Variants in CEP192 observed in about 807,000 individuals in gnomAD.
CEP192 encodes centrosomal protein of 192 kDa.
Under a neutral mutation model 271.8 loss-of-function variants are expected in CEP192, and 151 were observed. The ratio of observed to expected loss-of-function variants is 0.56; its 90% CI spans 0.49 to 0.64. CEP192 has a LOEUF of 0.64. Among genes scored for constraint, CEP192 ranks in the 30% least tolerant of loss-of-function variants. The probability of loss-of-function intolerance (pLI) is 0.00; values close to 1 mark genes in which losing one functional copy is unlikely to be tolerated. For synonymous variants in CEP192, 995 were observed against 1,076.5 expected (o/e 0.92, Z 1.48); for missense variants, 2,910 against 3,020.5 (o/e 0.96, Z 0.86).
At chr18:13,101,105 G>C (rs1376971350) in intron 38 of CEP192, among the ~76,000 whole-genome samples, 1 of 152,172 alleles carries the variant, frequency 6.6e-6, no homozygotes, top group Non-Finnish European at 1.5e-5. Context: ...AGCGACACAG[G>C]GTGCTGCACC....
At chr18:13,059,755 G>A in intron 21 of CEP192, among the ~76,000 whole-genome samples, 1 of 152,148 alleles carries the variant, frequency 6.6e-6, no homozygotes, top group East Asian at 1.9e-4. Flanking sequence ...GCTCATTTAG[G>A]ATGATGACTC....
chr18:12,995,672 C>T (rs2033183511), intron 1 of CEP192, among the ~76,000 whole-genome samples: 1 of 152,142 alleles, frequency 6.6e-6, no homozygotes, highest in South Asian at 2.1e-4. Context: ...ACATAGCATG[C>T]AGGTGGTGGT....
At chr18:13,070,122 C>CT (rs898817583) in intron 27 of CEP192, among the ~76,000 whole-genome samples, 5 of 151,874 alleles carry the variant, frequency 3.3e-5, no homozygotes, top group Non-Finnish European at 5.9e-5. Context: ...GATCACACCT[C>CT]TGCACTCCAG....
At chr18:13,107,565 A>ATG (rs2040013330) in intron 40 of CEP192, among the ~76,000 whole-genome samples, 1 of 152,222 alleles carries the variant, frequency 6.6e-6, no homozygotes. Flanking sequence ...CATGGAAGAC[A>ATG]AAAGTGGCTA....
chr18:13,026,420 C>A (rs946040317), intron 9 of CEP192, among the ~76,000 whole-genome samples: 1 of 151,994 alleles, frequency 6.6e-6, no homozygotes, highest in African/African-American at 2.4e-5. Context: ...GTGAGCTTCC[C>A]GGTATGTGGC....
Position 13,085,952 on chromosome 18 carries a change from G to A in CEP192, c.5617-1065G>A, listed in dbSNP as rs565795176. ...CTGTGAAGAAAGTCAATGGTAGCTT[G>A]ATGGGAACAGCATTGAATCTATAAA... On this transcript the variant is annotated intron_variant, in intron 30 of 44. Transcript: ENST00000506447. Among the ~76,000 whole-genome samples the A allele has an allele frequency of 2.6e-5, 4 of 151,976 alleles. No individual in the cohort carries two copies. The South Asian group carries it at 8.3e-4, about 32-fold the overall frequency.
intron 30 of CEP192, among the ~76,000 whole-genome samples, chr18:13,086,293 G>A (rs2038893139): frequency 6.6e-6 from 1 of 152,146 alleles, no homozygotes; most frequent in South Asian, 2.1e-4. Context: ...GAGACGATGG[G>A]GTTTTCTAAA....
At chr18:13,113,407 G>T (rs547455094) in intron 40 of CEP192, among the ~76,000 whole-genome samples, 179 bp from the exon 41 acceptor site, 54 of 152,282 alleles carry the variant, frequency 3.5e-4, no homozygotes, top group African/African-American at 1.3e-3. Context: ...TTTTGGATCT[G>T]GTATAGTAAC....
intron 9 of CEP192, among the ~76,000 whole-genome samples, chr18:13,026,964 G>T (rs1485133491): frequency 1.3e-5 from 2 of 151,958 alleles, no homozygotes; most frequent in African/African-American, 4.8e-5. Flanking sequence ...TTGTTAGCTG[G>T]ACGTGATGTA....
intron 5 of CEP192, among the ~76,000 whole-genome samples, chr18:13,014,079 C>G (rs775466953): frequency 2.6e-5 from 4 of 152,162 alleles, no homozygotes; most frequent in Non-Finnish European, 4.4e-5. Flanking sequence ...TTGTACTGCT[C>G]ATAAAGCCTG....
chr18:13,117,767 A>G (rs2040499442), intron 44 of CEP192, 124 bp downstream of exon 44: 1 of 676,566 alleles, frequency 1.5e-6, no homozygotes, highest in Admixed American at 2.6e-5. Context: ...ACCAAACAGC[A>G]TTAGGCAGAG....
chr18:13,066,248 A>G (rs961710075), intron 21 of CEP192, among the ~76,000 whole-genome samples: 5 of 152,196 alleles, frequency 3.3e-5, no homozygotes, highest in African/African-American at 9.7e-5. Context: ...CAAGCTATTT[A>G]TACATCTTTT....
chr18:13,099,813 C>CT (rs1435380089), intron 37 of CEP192, among the ~76,000 whole-genome samples: 4 of 152,174 alleles, frequency 2.6e-5, no homozygotes, highest in Non-Finnish European at 5.9e-5. Context: ...ATTTACACTG[C>CT]ATTAGCTATT....
chr18:13,078,271 T>C (rs2038395773), intron 30 of CEP192, among the ~76,000 whole-genome samples: 1 of 152,224 alleles, frequency 6.6e-6, no homozygotes, highest in African/African-American at 2.4e-5. Flanking sequence ...CTTATCCTTT[T>C]TTATGGCTGT....
intron 30 of CEP192, among the ~76,000 whole-genome samples, chr18:13,080,311 G>C (rs958865147): frequency 2.0e-5 from 3 of 151,938 alleles, no homozygotes; most frequent in East Asian, 3.9e-4. Context: ...CTTTTATTTC[G>C]TTGAGCAGTG....
intron 1 of CEP192, among the ~76,000 whole-genome samples, chr18:12,993,734 C>T (rs548477183): frequency 1.7e-4 from 26 of 152,100 alleles, no homozygotes; most frequent in Non-Finnish European, 2.8e-4. Context: ...GGACTGGAAA[C>T]GTCTCTTAAT....
Position 13,013,027 on chromosome 18 carries a change from T to C in CEP192, c.519+2T>C. The C allele has an allele frequency of 7.1e-7, 1 of 1,412,186 alleles. No individual in the cohort carries two copies. The highest frequency in any genetic ancestry group is 9.8e-7 in the Non-Finnish European group (1 of 1,022,866). The allele number at this position is 1,412,186 out of a possible 1,614,324, so 87.5% of individuals were successfully genotyped here. On this transcript the variant is annotated splice_donor_variant, in intron 5 of 44. Coordinates refer to ENST00000506447, the MANE Select transcript of CEP192 (RefSeq NM_032142.4). LOFTEE classifies it high-confidence loss of function. ...TGGATGAATAATAAGGAACCCAAGG[T>C]AACCTTTTATATATTTGGTATCATT...
intron 37 of CEP192, 111 bp from the exon 38 acceptor site, chr18:13,100,194 A>C: frequency 1.4e-6 from 1 of 699,750 alleles, no homozygotes; most frequent in Non-Finnish European, 2.4e-6. Context: ...AAATTTATTG[A>C]TGTTTTGTTT....
At chr18:13,005,270 A>G (rs893568653) in intron 3 of CEP192, among the ~76,000 whole-genome samples, 2 of 152,196 alleles carry the variant, frequency 1.3e-5, no homozygotes, top group Non-Finnish European at 1.5e-5. Context: ...GAAGAGATTC[A>G]GGAATGGCAG....
Sources: allele counts gnomAD v4.1 joint callset (sites outside exome capture counted in the v4.1 genomes callset), GRCh38; gene constraint gnomAD v4.1.1; transcripts MANE v1.5; gene names NCBI Gene and HGNC (gene_info 2026-07-23, HGNC 2026-07-21).